Variants in GABRG3 observed in about 807,000 individuals in gnomAD.
The protein encoded by GABRG3 is gamma-aminobutyric acid type A receptor subunit gamma3.
In GABRG3, 25 loss-of-function variants were observed where a neutral mutation model predicts 48.8. The ratio of observed to expected loss-of-function variants is 0.51; its 90% CI spans 0.37 to 0.72. GABRG3 has a LOEUF of 0.72. GABRG3 is among the 30% of genes least tolerant of loss of function. The pLI, the probability that GABRG3 is intolerant of heterozygous loss-of-function variation, is 0.00. For missense variants in GABRG3, 394 were observed against 577.9 expected (o/e 0.68, Z 3.26); for synonymous variants, 227 against 217.6 (o/e 1.04, Z -0.38).
intron 2 of GABRG3, among the ~76,000 whole-genome samples, chr15:27,012,196 A>G (rs1373204570): frequency 6.6e-6 from 1 of 152,094 alleles, no homozygotes; most frequent in East Asian, 1.9e-4. Flanking sequence ...TTATAGGCTA[A>G]TATGTTTTTC....
At chr15:27,134,101 T>C (rs2140384967) in intron 3 of GABRG3, among the ~76,000 whole-genome samples, 1 of 152,292 alleles carries the variant, frequency 6.6e-6, no homozygotes, top group South Asian at 2.1e-4. Flanking sequence ...TTCACATCAC[T>C]GAGCTTGTCC....
chr15:27,288,733 T>A lies in GABRG3; in HGVS notation c.271-38076T>A, dbSNP rs11852966. Among the ~76,000 whole-genome samples the A allele has an allele frequency of 7.3e-3, 1,003 of 138,132 alleles. 13 individuals are homozygous for A. The highest frequency in any genetic ancestry group is 0.025 in the African/African-American group (957 of 38,114). The allele number at this position is 138,132 out of a possible 152,430, so 90.6% of individuals were successfully genotyped here. On this transcript the variant is annotated intron_variant, in intron 3 of 9. Coordinates refer to ENST00000615808, the MANE Select transcript of GABRG3 (RefSeq NM_033223.5). ...CGTCTCACAGAAAAAAAAAAAAAAA[T>A]AAGAGGAAAAAGTTAAAATATTAAT...
chr15:27,063,429 C>T (rs879754603), intron 3 of GABRG3, among the ~76,000 whole-genome samples: 14 of 152,204 alleles, frequency 9.2e-5, no homozygotes, highest in Non-Finnish European at 1.3e-4. Flanking sequence ...CCCTCACGAA[C>T]GGCTTGGGCC....
At chr15:27,052,977 C>G (rs74499774) in intron 3 of GABRG3, among the ~76,000 whole-genome samples, 3,611 of 152,246 alleles carry the variant, frequency 0.024, 156 homozygotes, top group African/African-American at 0.082. Context: ...AAGAATGAAA[C>G]TGGACCCTAC....
chr15:27,036,941 G>C (rs1896189655), intron 3 of GABRG3, among the ~76,000 whole-genome samples: 2 of 152,220 alleles, frequency 1.3e-5, no homozygotes, highest in South Asian at 2.1e-4. Flanking sequence ...TTCTGGAGAA[G>C]GGTGGCCCCT....
chr15:27,477,738 A>T (rs1889983043), intron 5 of GABRG3, among the ~76,000 whole-genome samples: 1 of 152,094 alleles, frequency 6.6e-6, no homozygotes, highest in South Asian at 2.1e-4. Context: ...TCGAAAATAA[A>T]TTCTATTAAA....
intron 6 of GABRG3, among the ~76,000 whole-genome samples, chr15:27,516,005 T>G (rs1891009559): frequency 6.6e-6 from 1 of 151,970 alleles, no homozygotes; most frequent in Admixed American, 6.6e-5. Context: ...CTGTCAAATT[T>G]CAAAACAGAA....
intron 3 of GABRG3, among the ~76,000 whole-genome samples, chr15:27,317,923 G>A (rs1345495902): frequency 6.6e-6 from 1 of 152,094 alleles, no homozygotes; most frequent in Admixed American, 6.5e-5. Context: ...AACACTCACT[G>A]CATTCAAAAC....
At chr15:27,194,221 C>G (rs998425668) in intron 3 of GABRG3, among the ~76,000 whole-genome samples, 3 of 152,130 alleles carry the variant, frequency 2.0e-5, no homozygotes, top group African/African-American at 4.8e-5. Flanking sequence ...ATATAATTAT[C>G]TTAGGTATTT....
intron 3 of GABRG3, among the ~76,000 whole-genome samples, chr15:27,309,134 T>G (rs533726928): frequency 7.8e-6 from 1 of 128,984 alleles, no homozygotes; most frequent in East Asian, 2.0e-4. Context: ...AATGTAAACA[T>G]AGATGTTTAT....
At chr15:27,270,465 T>C (rs757647561) in intron 3 of GABRG3, among the ~76,000 whole-genome samples, 1 of 152,126 alleles carries the variant, frequency 6.6e-6, no homozygotes, top group Non-Finnish European at 1.5e-5. Context: ...TATTGAAAGA[T>C]AGTAAGTGAA....
intron 3 of GABRG3, among the ~76,000 whole-genome samples, chr15:27,256,934 A>G (rs912717342): frequency 1.3e-5 from 2 of 152,216 alleles, no homozygotes; most frequent in African/African-American, 4.8e-5. Flanking sequence ...ACAGATACCC[A>G]GCAGTGGGAT....
At chr15:27,510,297 G>T (rs368300555) in intron 6 of GABRG3, among the ~76,000 whole-genome samples, 2 of 149,446 alleles carry the variant, frequency 1.3e-5, no homozygotes, top group African/African-American at 2.6e-5. Flanking sequence ...CTTCCCAAGT[G>T]TTCCTGTGCC....
Position 26,973,825 on chromosome 15 carries a change from T to C in GABRG3, c.53+2237T>C, listed in dbSNP as rs1186274955. 2.0e-5 allele frequency among the ~76,000 whole-genome samples: 3 copies of C among 152,236 alleles called. No individual in the cohort carries two copies. The South Asian group carries it at 6.2e-4, about 31-fold the overall frequency. On this transcript the variant is annotated intron_variant, in intron 1 of 9. Coordinates refer to ENST00000615808, the MANE Select transcript of GABRG3 (RefSeq NM_033223.5). ...AAAATAACATCTGAAGGTTGAGTTG[T>C]TGTTTGACTATGACAATACATCACT...
chr15:27,036,344 C>T (rs1394978874), intron 3 of GABRG3, among the ~76,000 whole-genome samples: 2 of 152,138 alleles, frequency 1.3e-5, no homozygotes, highest in Non-Finnish European at 2.9e-5. Flanking sequence ...TTGTTCTGGG[C>T]TCTGGAAGAA....
chr15:27,008,846 G>C (rs970813004), intron 2 of GABRG3, among the ~76,000 whole-genome samples: 1 of 152,196 alleles, frequency 6.6e-6, no homozygotes, highest in African/African-American at 2.4e-5. Context: ...CTGAGGCGAT[G>C]ATGGGTGTCA....
At chr15:27,065,772 C>T (rs1407168401) in intron 3 of GABRG3, among the ~76,000 whole-genome samples, 1 of 152,228 alleles carries the variant, frequency 6.6e-6, no homozygotes, top group Admixed American at 6.5e-5. Context: ...GGACACAGCA[C>T]TTTACTTGCT....
At chr15:27,389,784 A>T (rs1054222215) in intron 5 of GABRG3, among the ~76,000 whole-genome samples, 3 of 152,238 alleles carry the variant, frequency 2.0e-5, no homozygotes, top group African/African-American at 7.2e-5. Context: ...TTTGCTTTTC[A>T]TCGCTTCCTT....
chr15:27,159,410 AG>A (rs1898517624), intron 3 of GABRG3, among the ~76,000 whole-genome samples: 1 of 151,740 alleles, frequency 6.6e-6, no homozygotes, highest in African/African-American at 2.4e-5. Flanking sequence ...TGAACCTGGG[AG>A]GTGGAGATTG....
Sources: gnomAD v4.1 joint callset for allele counts (sites outside exome capture counted in the v4.1 genomes callset) on GRCh38, gnomAD v4.1.1 for gene constraint, MANE v1.5 for transcripts, NCBI Gene and HGNC (gene_info 2026-07-23, HGNC 2026-07-21) for gene names.